Variants in DNAJC10 observed in about 807,000 individuals in gnomAD.
DNAJC10 encodes DnaJ heat shock protein family (Hsp40) member C10, also known as endoplasmic reticulum disulfide reductase DNAJC10.
Under a neutral mutation model 115.0 loss-of-function variants are expected in DNAJC10, and 101 were observed. That is an observed-to-expected ratio of 0.88 (90% CI 0.75 to 1.04). The LOEUF (loss-of-function observed/expected upper bound fraction) is 1.04. Among genes scored for constraint, DNAJC10 ranks in the 50% least tolerant of loss-of-function variants. The pLI, the probability that DNAJC10 is intolerant of heterozygous loss-of-function variation, is 0.00. For missense variants in DNAJC10, 981 were observed against 928.8 expected, an observed-to-expected ratio of 1.06 and a Z score of -0.73; for synonymous variants, 307 against 301.5, an observed-to-expected ratio of 1.02 and a Z score of -0.19.
In DNAJC10 at chr2:182,786,444, TG is replaced by T. The variant is rs1270136339; in HGVS notation, c.*9313del. On this transcript the variant is annotated 3_prime_UTR_variant, in exon 24 of 24. Transcript: ENST00000264065. ...TCACTGAGGTCATAATACTGAATTCTGAAATGGAAATAATTGACTAGAGATT... is the reference window on the plus strand; with the variant it reads ...TCACTGAGGTCATAATACTGAATTCTAAATGGAAATAATTGACTAGAGATT... 1 of 152,206 alleles carries T rather than the reference TG, an allele frequency of 6.6e-6. No homozygotes were observed. The highest frequency in any genetic ancestry group is 2.4e-5 in the African/African-American group (1 of 41,456). 9.4% of individuals were successfully genotyped at this position (152,206 alleles called of 1,614,324 possible).
chr2:182,751,526 A>T (rs1694018035), intron 14 of DNAJC10, 132 bp from the exon 15 acceptor site: 1 of 1,037,446 alleles, frequency 9.6e-7, no homozygotes, highest in Admixed American at 2.3e-5. Flanking sequence ...TATACAGCAC[A>T]CTAAAACCTC....
chr2:182,720,181 C>A lies in DNAJC10; in HGVS notation c.367+12C>A. 1 of 1,591,430 alleles carries A rather than the reference C, an allele frequency of 6.3e-7. No homozygotes were observed. The highest frequency in any genetic ancestry group is 8.6e-7 in the Non-Finnish European group (1 of 1,169,082). On this transcript the variant is annotated intron_variant, in intron 4 of 23. Coordinates refer to ENST00000264065, the MANE Select transcript of DNAJC10 (RefSeq NM_018981.4). ...TCGTTATGATTTTGGTAAGGTGATA[C>A]GATATTACTTATGAAATGTGTTTTA...
chr2:182,756,445 G>A lies in DNAJC10; in HGVS notation c.1785G>A (p.Met595Ile). ...GGTGTCATCCTTGCCAAGTCTTAAT[G>A]CCAGAATGGAAAAGAATGGCCCGGG... ...SPWCHPCQVL[M>I]PEWKRMARTL... is the part of the protein sequence containing the mutation. Residue 595 changes from methionine to isoleucine, a missense_variant, in exon 18 of 24, where the codon ATG becomes ATA. Physicochemically the swap from Met to Ile is conservative, Grantham distance 10. Transcript: ENST00000264065. 4 of 1,613,762 alleles carry A rather than the reference G, an allele frequency of 2.5e-6. No homozygotes were observed. Among genetic ancestry groups the A allele is most frequent in the Non-Finnish European group, 3.4e-6 (4 of 1,179,850 alleles).
At chr2:182,760,581 A>G (rs547939261) in intron 21 of DNAJC10, among the ~76,000 whole-genome samples, 2 of 152,290 alleles carry the variant, frequency 1.3e-5, no homozygotes, top group South Asian at 2.1e-4. Context: ...AACTGAATAC[A>G]TACCCTCAAT....
chr2:182,792,609 T>C lies in DNAJC10; in HGVS notation c.*15477T>C, dbSNP rs1395535866. The C allele has an allele frequency of 6.6e-6, 1 of 152,258 alleles. No individual in the cohort carries two copies. Among genetic ancestry groups the C allele is most frequent in the African/African-American group, 2.4e-5 (1 of 41,470 alleles). 9.4% of individuals were successfully genotyped at this position (152,258 alleles called of 1,614,324 possible). ...CCATCTAAATGCATGCCAGTTTCTTTCTTGATAAATTAGAGGCCTATAACC... is the reference window on the plus strand; with the variant it reads ...CCATCTAAATGCATGCCAGTTTCTTCCTTGATAAATTAGAGGCCTATAACC... On this transcript the variant is annotated 3_prime_UTR_variant, in exon 24 of 24. Transcript: ENST00000264065.
At chr2:182,725,080 C>T (rs1417197136) in intron 5 of DNAJC10, among the ~76,000 whole-genome samples, 1 of 152,056 alleles carries the variant, frequency 6.6e-6, no homozygotes. Context: ...GGTATCCAAA[C>T]TTTTTCATTA....
chr2:182,732,602 GA>G, intron 10 of DNAJC10, 60 bp downstream of exon 10: 1 of 1,497,124 alleles, frequency 6.7e-7, no homozygotes, highest in Non-Finnish European at 9.3e-7. Context: ...TTTAGAAATT[GA>G]TTTGAAACAT....
intron 13 of DNAJC10, among the ~76,000 whole-genome samples, chr2:182,741,929 C>CTT (rs543585271): frequency 6.8e-6 from 1 of 147,126 alleles, no homozygotes; most frequent in Non-Finnish European, 1.5e-5. Context: ...TCACTGTATG[C>CTT]TTTTTTTTTT....
intron 16 of DNAJC10, among the ~76,000 whole-genome samples, chr2:182,752,855 C>G (rs1277555140): frequency 6.6e-6 from 1 of 151,986 alleles, no homozygotes; most frequent in Non-Finnish European, 1.5e-5. Context: ...CTTTACAGGA[C>G]AAATACCCAG....
chr2:182,782,354 T>C lies in DNAJC10; in HGVS notation c.*5222T>C, dbSNP rs1332654360. 6.6e-6 allele frequency: 1 copy of C among 151,830 alleles called. No individual in the cohort carries two copies. The highest frequency in any genetic ancestry group is 1.5e-5 in the Non-Finnish European group (1 of 67,852). The allele number at this position is 151,830 out of a possible 1,614,324, so 9.4% of individuals were successfully genotyped here. A position where few individuals can be genotyped will look rare whatever the true frequency, so the allele number is the denominator to read the frequency against. ...ATGCTGTTTTGGTTACTGAGCCTTGTAGTATAGTTCGTTCTTTTTGCTTAG... is the reference window on the plus strand; with the variant it reads ...ATGCTGTTTTGGTTACTGAGCCTTGCAGTATAGTTCGTTCTTTTTGCTTAG... On this transcript the variant is annotated 3_prime_UTR_variant, in exon 24 of 24. Transcript: ENST00000264065.
chr2:182,723,037 CTTTTT>C (rs372893280), intron 5 of DNAJC10, among the ~76,000 whole-genome samples: 4 of 105,780 alleles, frequency 3.8e-5, no homozygotes, highest in Non-Finnish European at 7.3e-5. Context: ...GCAAGGGTGG[CTTTTT>C]TTTTTTTTTT....
chr2:182,772,819 G>A (rs933116626), intron 22 of DNAJC10, among the ~76,000 whole-genome samples: 4 of 152,070 alleles, frequency 2.6e-5, no homozygotes, highest in Non-Finnish European at 5.9e-5. Flanking sequence ...TCTTTTAATT[G>A]GGGCATTTAG....
chr2:182,740,174 G>A, intron 11 of DNAJC10, 125 bp from the exon 12 acceptor site: 1 of 1,162,744 alleles, frequency 8.6e-7, no homozygotes, highest in Non-Finnish European at 1.1e-6. Context: ...GGAATTGTTT[G>A]AAAAACTATT....
In DNAJC10 at chr2:182,740,386, G is replaced by A; in HGVS notation, c.1075G>A (p.Glu359Lys). ...DFELLSANTL[E>K]DRLAHHRWLL... ...TGAACTACTTTCGGCAAACACACTAGAGGTAATGTTTTTATTAATAATGAT... is the reference window on the plus strand; with the variant it reads ...TGAACTACTTTCGGCAAACACACTAAAGGTAATGTTTTTATTAATAATGAT... Residue 359 changes from glutamate to lysine, a missense_variant and splice_region_variant, in exon 12 of 24, where the codon GAG (glutamate) becomes AAG (lysine). By Grantham distance (56) the Glu-to-Lys change is moderately conservative. Transcript: ENST00000264065. The A allele has an allele frequency of 6.4e-7, 1 of 1,564,190 alleles. No homozygotes were observed. The highest frequency in any genetic ancestry group is 8.6e-7 in the Non-Finnish European group (1 of 1,162,256).
At chr2:182,776,823 A>G (rs546425534) in intron 23 of DNAJC10, among the ~76,000 whole-genome samples, 8 of 152,346 alleles carry the variant, frequency 5.3e-5, no homozygotes, top group African/African-American at 1.9e-4. Flanking sequence ...AAATTTAAAA[A>G]TTGTCATAAT....
intron 7 of DNAJC10, 83 bp downstream of exon 7, chr2:182,729,077 T>TA: frequency 1.4e-6 from 2 of 1,382,772 alleles, no homozygotes; most frequent in South Asian, 2.4e-5. Flanking sequence ...TATGTAGAAT[T>TA]TGCAGAACAT....
In DNAJC10 at chr2:182,758,572, C is replaced by A. The variant is rs187871474; in HGVS notation, c.1944-265C>A. Among the ~76,000 whole-genome samples the A allele has an allele frequency of 9.2e-5, 14 of 152,178 alleles. 1 individual carries two copies. Among genetic ancestry groups the A allele is most frequent in the African/African-American group, 3.4e-4 (14 of 41,522 alleles). On this transcript the variant is annotated intron_variant, in intron 19 of 23. Transcript: ENST00000264065. ...TAAAACCCTTGGACATTCTGAGTTT[C>A]GCAATTCCCATAGGTCTACAGGAGA...
chr2:182,716,825 A>G lies in DNAJC10; in HGVS notation c.-203-191A>G, dbSNP rs559789507. On this transcript the variant is annotated intron_variant, in intron 1 of 23. Coordinates refer to ENST00000264065, the MANE Select transcript of DNAJC10 (RefSeq NM_018981.4). ...GGCAATGCGAAAGCTTGCGCCTTGC[A>G]TTTACCTGGCGCTTCCACCTGCCCG... Among the ~76,000 whole-genome samples, 115 of 152,188 alleles carry G rather than the reference A, an allele frequency of 7.6e-4. 1 individual carries two copies. The highest frequency in any genetic ancestry group is 7.7e-4 in the East Asian group (4 of 5,168).
At chr2:182,761,490 A>G (rs142346525) in intron 21 of DNAJC10, among the ~76,000 whole-genome samples, 45 of 152,276 alleles carry the variant, frequency 3.0e-4, no homozygotes, top group African/African-American at 9.6e-4. Context: ...GGCAGCAAAG[A>G]TATTTTAAGT....
Sources: allele counts gnomAD v4.1 joint callset (sites outside exome capture counted in the v4.1 genomes callset), GRCh38; gene constraint gnomAD v4.1.1; transcripts MANE v1.5; gene names NCBI Gene and HGNC (gene_info 2026-07-23, HGNC 2026-07-21).